LTBP1: variants seen among roughly 807,000 people sequenced by gnomAD.
The protein encoded by LTBP1 is latent-transforming growth factor beta-binding protein 1.
In LTBP1, 129 loss-of-function variants were observed where a neutral mutation model predicts 207.6. That is an observed-to-expected ratio of 0.62 (90% CI 0.54 to 0.72). The LOEUF (loss-of-function observed/expected upper bound fraction) is 0.72, where lower values mean the gene tolerates loss of function less well. Among genes scored for constraint, LTBP1 ranks in the 30% least tolerant of loss-of-function variants. The probability of loss-of-function intolerance (pLI) is 0.00; values close to 1 mark genes in which losing one functional copy is unlikely to be tolerated. For synonymous variants in LTBP1, 963 were observed against 833.7 expected (o/e 1.16, Z -2.67); for missense variants, 2,281 against 2,217.2 (o/e 1.03, Z -0.58).
At chr2:33,004,395 G>T (rs1302893375) in intron 2 of LTBP1, among the ~76,000 whole-genome samples, 1 of 151,956 alleles carries the variant, frequency 6.6e-6, no homozygotes, top group South Asian at 2.1e-4. Flanking sequence ...CCCCTTATAT[G>T]GGCATGGCGA....
At chr2:33,391,601 C>A (rs1192067811) in intron 32 of LTBP1, among the ~76,000 whole-genome samples, 2 of 152,136 alleles carry the variant, frequency 1.3e-5, no homozygotes, top group Non-Finnish European at 2.9e-5. Flanking sequence ...TAGATGTAAG[C>A]AAGAGCCTGG....
chr2:33,037,159 C>T (rs2075965317), intron 3 of LTBP1, among the ~76,000 whole-genome samples: 1 of 149,954 alleles, frequency 6.7e-6, no homozygotes, highest in Non-Finnish European at 1.5e-5. Context: ...ACTAATTCTC[C>T]CCCTGTCCCT....
intron 4 of LTBP1, among the ~76,000 whole-genome samples, chr2:33,129,199 T>C (rs1171977390): frequency 1.3e-5 from 2 of 152,232 alleles, no homozygotes; most frequent in African/African-American, 4.8e-5. Context: ...GTTCATGGTC[T>C]GTCCTTTTTT....
chr2:33,321,615 A>G (rs1212177175), intron 24 of LTBP1, among the ~76,000 whole-genome samples: 4 of 152,352 alleles, frequency 2.6e-5, no homozygotes, highest in Non-Finnish European at 2.9e-5. Flanking sequence ...TGGCATGGAT[A>G]TAGAACTTTA....
At chr2:33,009,936 C>G (rs1034455697) in intron 2 of LTBP1, among the ~76,000 whole-genome samples, 60 of 152,306 alleles carry the variant, frequency 3.9e-4, no homozygotes, top group African/African-American at 1.4e-3. Context: ...GGCCAGACAT[C>G]TAAGTTCGGG....
chr2:33,235,199 T>C (rs1487691268), intron 9 of LTBP1, among the ~76,000 whole-genome samples: 1 of 151,950 alleles, frequency 6.6e-6, no homozygotes, highest in Non-Finnish European at 1.5e-5. Flanking sequence ...TAAGCAAATT[T>C]ACATGAAAAA....
intron 5 of LTBP1, among the ~76,000 whole-genome samples, chr2:33,152,493 T>C (rs1271511160): frequency 6.6e-6 from 1 of 152,204 alleles, no homozygotes; most frequent in Non-Finnish European, 1.5e-5. Flanking sequence ...ATAGCCACTA[T>C]AGAAAACAGT....
intron 5 of LTBP1, among the ~76,000 whole-genome samples, chr2:33,141,097 TAAATA>T (rs2082613881): frequency 6.6e-6 from 1 of 152,350 alleles, no homozygotes; most frequent in African/African-American, 2.4e-5. Context: ...AGCAGTGCAC[TAAATA>T]AAAGTCCTTG....
rs1468540617 is a variant in LTBP1 at position 32,959,606 on chromosome 2, T to C, written c.565+10661T>C. ...GTATATATATGTACGTGTATATATATATATATATATATATATTTTTTTTTT... is the reference window on the plus strand; with the variant it reads ...GTATATATATGTACGTGTATATATACATATATATATATATATTTTTTTTTT... On this transcript the variant is annotated intron_variant, in intron 2 of 33. Transcript: ENST00000404816. Among the ~76,000 whole-genome samples the C allele has an allele frequency of 2.1e-4, 8 of 38,866 alleles. No homozygotes were observed. In the Admixed American group the frequency reaches 2.5e-3, roughly 12 times the overall value. The allele number at this position is 38,866 out of a possible 152,430, so 25.5% of individuals were successfully genotyped here.
chr2:33,085,007 T>C (rs540699352), intron 3 of LTBP1, among the ~76,000 whole-genome samples: 1 of 152,360 alleles, frequency 6.6e-6, no homozygotes, highest in South Asian at 2.1e-4. Flanking sequence ...GAGATCATCC[T>C]GATGTAACCA....
Position 33,348,598 on chromosome 2 carries a change from CTAAG to C in LTBP1, c.4000+1090_4000+1093del, listed in dbSNP as rs2094736311. Among the ~76,000 whole-genome samples, 3 of 152,146 alleles carry C rather than the reference CTAAG, an allele frequency of 2.0e-5. No homozygotes were observed. In the South Asian group the frequency reaches 6.2e-4, roughly 32 times the overall value. On this transcript the variant is annotated intron_variant, in intron 26 of 33. Coordinates refer to ENST00000404816, the MANE Select transcript of LTBP1 (RefSeq NM_206943.4). ...GTTGGCCACTAACAGAATTGGTTAA[CTAAG>C]TGTCTTTTTCTTATTTTTGTTTGGT...
At chr2:33,268,267 G>T (rs1036992312) in intron 15 of LTBP1, among the ~76,000 whole-genome samples, 2 of 152,214 alleles carry the variant, frequency 1.3e-5, no homozygotes, top group East Asian at 3.9e-4. Context: ...AATCTCATCA[G>T]TTCTCTCAGG....
intron 2 of LTBP1, among the ~76,000 whole-genome samples, chr2:32,988,008 G>A (rs887124030): frequency 1.3e-5 from 2 of 152,194 alleles, no homozygotes; most frequent in East Asian, 1.9e-4. Flanking sequence ...GGTGGTAAAG[G>A]CATTGTGAAG....
chr2:33,370,664 A>G (rs1280521682), intron 31 of LTBP1, among the ~76,000 whole-genome samples: 1 of 152,222 alleles, frequency 6.6e-6, no homozygotes, highest in Non-Finnish European at 1.5e-5. Flanking sequence ...TGAACCTTTT[A>G]AATATACTGT....
chr2:33,091,373 G>C (rs1194981832), intron 3 of LTBP1, among the ~76,000 whole-genome samples: 2 of 152,110 alleles, frequency 1.3e-5, no homozygotes, highest in Non-Finnish European at 2.9e-5. Flanking sequence ...GAGACCCTTT[G>C]AGTTCTGGTC....
intron 3 of LTBP1, among the ~76,000 whole-genome samples, chr2:33,081,497 G>C (rs1038663585): frequency 6.6e-6 from 1 of 152,116 alleles, no homozygotes; most frequent in Non-Finnish European, 1.5e-5. Flanking sequence ...TGTGAGAAGG[G>C]CAGTAGTTGT....
At chr2:33,395,714 A>AG (rs1204765914) in intron 32 of LTBP1, among the ~76,000 whole-genome samples, 1 of 56,596 alleles carries the variant, frequency 1.8e-5, no homozygotes, top group Non-Finnish European at 3.2e-5. Flanking sequence ...TTCCTTGTTT[A>AG]GAAAAAAAAA....
chr2:33,070,102 T>G (rs2077716095), intron 3 of LTBP1, among the ~76,000 whole-genome samples: 1 of 152,248 alleles, frequency 6.6e-6, no homozygotes. Flanking sequence ...CCGGAAACTC[T>G]CATTCTTAAC....
intron 33 of LTBP1, among the ~76,000 whole-genome samples, chr2:33,397,927 G>C (rs1463899452): frequency 2.0e-5 from 3 of 152,118 alleles, no homozygotes; most frequent in African/African-American, 7.2e-5. Context: ...GATGTTTCAA[G>C]TGAGTGAGAG....
Sources: gnomAD v4.1 joint callset for allele counts (sites outside exome capture counted in the v4.1 genomes callset) on GRCh38, gnomAD v4.1.1 for gene constraint, MANE v1.5 for transcripts, NCBI Gene and HGNC (gene_info 2026-07-23, HGNC 2026-07-21) for gene names.